The following NRXN3 variants were observed in gnomAD, a reference collection of about 807,000 sequenced individuals.
NRXN3 encodes the protein neurexin III.
NRXN3 carries 32 observed loss-of-function variants against 137.6 expected under a neutral mutation model. The observed-to-expected ratio is 0.23, with a 90% CI of 0.18 to 0.31. The LOEUF is 0.31. Ranked by LOEUF, NRXN3 falls within the 10% of genes least tolerant of loss-of-function variation. NRXN3 has a pLI of 1.00. For synonymous variants in NRXN3, 798 were observed against 784.5 expected (o/e 1.02, Z -0.29); for missense variants, 1,574 against 2,062.5 (o/e 0.76, Z 4.59).
chr14:79,664,025 G>C, intron 17 of NRXN3, 76 bp downstream of exon 17: 3 of 1,445,240 alleles, frequency 2.1e-6, no homozygotes, highest in Non-Finnish European at 2.9e-6. Flanking sequence ...TTTTTCTCAT[G>C]ACTGTCACCA....
intron 16 of NRXN3, among the ~76,000 whole-genome samples, chr14:79,519,420 C>T (rs1214334279): frequency 6.6e-6 from 1 of 151,612 alleles, no homozygotes; most frequent in Non-Finnish European, 1.5e-5. Context: ...TCTCCTTTTC[C>T]CTATATGAAT....
intron 1 of NRXN3, among the ~76,000 whole-genome samples, chr14:78,177,166 T>TAG (rs1420469414): frequency 6.6e-6 from 1 of 152,178 alleles, no homozygotes; most frequent in African/African-American, 2.4e-5. Flanking sequence ...TCACTTCTCC[T>TAG]AGACTGGCCT....
At chr14:79,439,744 T>C (rs912827329) in intron 15 of NRXN3, among the ~76,000 whole-genome samples, 2 of 152,262 alleles carry the variant, frequency 1.3e-5, no homozygotes, top group Non-Finnish European at 2.9e-5. Flanking sequence ...CGTAATCATT[T>C]CTACATTTTC....
intron 10 of NRXN3, among the ~76,000 whole-genome samples, chr14:78,812,392 C>A (rs930534586): frequency 1.3e-5 from 2 of 152,146 alleles, no homozygotes; most frequent in Admixed American, 6.5e-5. Flanking sequence ...GGTGGAAACC[C>A]AGCATGAAGG....
intron 8 of NRXN3, among the ~76,000 whole-genome samples, chr14:78,753,227 C>T (rs1226770439): frequency 2.0e-5 from 3 of 152,148 alleles, no homozygotes; most frequent in Admixed American, 6.5e-5. Context: ...AGTTCCATGT[C>T]TCAAGCACTC....
At chr14:78,861,086 G>A (rs1253858397) in intron 10 of NRXN3, among the ~76,000 whole-genome samples, 1 of 131,328 alleles carries the variant, frequency 7.6e-6, no homozygotes, top group East Asian at 2.4e-4. Context: ...GTATAGTCCT[G>A]TAATAGTTCC....
chr14:78,487,495 C>T (rs2095581906), intron 4 of NRXN3, among the ~76,000 whole-genome samples: 1 of 152,190 alleles, frequency 6.6e-6, no homozygotes, highest in South Asian at 2.1e-4. Flanking sequence ...GTAATCCCAA[C>T]ACTTTGGGAA....
chr14:78,560,754 G>A (rs1423900906), intron 4 of NRXN3, among the ~76,000 whole-genome samples: 1 of 152,228 alleles, frequency 6.6e-6, no homozygotes, highest in Non-Finnish European at 1.5e-5. Context: ...GGGGAAAAGA[G>A]TGTTCAAGAT....
chr14:78,831,288 C>T (rs922757491), intron 10 of NRXN3, among the ~76,000 whole-genome samples: 1 of 152,040 alleles, frequency 6.6e-6, no homozygotes, highest in Non-Finnish European at 1.5e-5. Flanking sequence ...AATATCACAC[C>T]TGTAACCCCA....
At chr14:78,436,445 G>A (rs1246859973) in intron 4 of NRXN3, among the ~76,000 whole-genome samples, 6 of 152,146 alleles carry the variant, frequency 3.9e-5, no homozygotes, top group Non-Finnish European at 8.8e-5. Context: ...GGAAACTGAG[G>A]CACAAGGAGG....
In NRXN3 at chr14:78,576,336, G is replaced by A. The variant is rs1193212428; in HGVS notation, c.758-68784G>A. Among the ~76,000 whole-genome samples, 3 of 151,968 alleles carry A rather than the reference G, an allele frequency of 2.0e-5. No individual in the cohort carries two copies. In the East Asian group the frequency reaches 5.8e-4, roughly 29 times the overall value. The stretch of plus-strand genomic sequence containing the variant: ...TTCACCTTTCATGAACAACACCAGT[G>A]GTTTTGTCTGCTGAGGGCTTTTTCC... On this transcript the variant is annotated intron_variant, in intron 4 of 20. Coordinates refer to ENST00000335750, the MANE Select transcript of NRXN3 (RefSeq NM_001330195.2).
At chr14:79,476,862 G>A (rs1040352144) in intron 16 of NRXN3, among the ~76,000 whole-genome samples, 3 of 151,974 alleles carry the variant, frequency 2.0e-5, no homozygotes, top group African/African-American at 2.4e-5. Flanking sequence ...CAGCTGAATG[G>A]GCTTTCAAAT....
intron 16 of NRXN3, among the ~76,000 whole-genome samples, chr14:79,601,104 C>T (rs1320002288): frequency 2.2e-4 from 28 of 128,474 alleles, no homozygotes; most frequent in Admixed American, 1.7e-3. Context: ...AGTGCAGTGG[C>T]GCAATCTTGG....
intron 15 of NRXN3, among the ~76,000 whole-genome samples, chr14:79,208,173 C>T (rs1295185470): frequency 6.6e-6 from 1 of 152,088 alleles, no homozygotes; most frequent in African/African-American, 2.4e-5. Flanking sequence ...AGAATTGGAA[C>T]CCGCAATTCA....
At chr14:79,062,847 C>A (rs907102865) in intron 15 of NRXN3, among the ~76,000 whole-genome samples, 6 of 152,058 alleles carry the variant, frequency 3.9e-5, no homozygotes, top group Non-Finnish European at 5.9e-5. Flanking sequence ...GAAACAAAAA[C>A]CCCAAGTCTC....
At chr14:79,376,067 C>A (rs2094268288) in intron 15 of NRXN3, among the ~76,000 whole-genome samples, 1 of 147,326 alleles carries the variant, frequency 6.8e-6, no homozygotes. Flanking sequence ...ATATATATCT[C>A]TCACAAATAT....
intron 19 of NRXN3, among the ~76,000 whole-genome samples, chr14:79,716,498 T>G (rs178384): frequency 1.3e-5 from 2 of 151,920 alleles, no homozygotes; most frequent in Non-Finnish European, 2.9e-5. Flanking sequence ...GTGTCTTTCA[T>G]TGAACACTAA....
intron 15 of NRXN3, among the ~76,000 whole-genome samples, chr14:79,208,040 GGGACAAGGTGATTGTTCCATACTTTAA>G (rs1403332639): frequency 6.6e-6 from 1 of 152,138 alleles, no homozygotes; most frequent in African/African-American, 2.4e-5. Context: ...TAAAGAGGAA[GGGACAAGGTGATTGTTCCATACTTTAA>G]AGGAACCAGA....
intron 19 of NRXN3, among the ~76,000 whole-genome samples, chr14:79,778,962 A>G (rs2099105909): frequency 6.6e-6 from 1 of 152,186 alleles, no homozygotes; most frequent in East Asian, 1.9e-4. Flanking sequence ...TGGGTAACCA[A>G]GCTCTGTGAA....
Sources: gnomAD v4.1 joint callset for allele counts (sites outside exome capture counted in the v4.1 genomes callset) on GRCh38, gnomAD v4.1.1 for gene constraint, MANE v1.5 for transcripts, NCBI Gene and HGNC (gene_info 2026-07-23, HGNC 2026-07-21) for gene names.